The following CCSER1 variants were observed in gnomAD, a reference collection of about 807,000 sequenced individuals.
CCSER1 encodes the protein serine-rich coiled-coil domain-containing protein 1.
A neutral mutation model predicts 82.0 loss-of-function variants in CCSER1; 41 were observed. The observed-to-expected ratio is 0.50, with a 90% CI of 0.39 to 0.65. The LOEUF (loss-of-function observed/expected upper bound fraction) is 0.65. CCSER1 is among the 30% of genes least tolerant of loss of function. The pLI, the probability that CCSER1 is intolerant of heterozygous loss-of-function variation, is 0.00. For synonymous variants in CCSER1, 414 were observed against 383.9 expected (o/e 1.08, Z -0.92); for missense variants, 1,119 against 1,064.2 (o/e 1.05, Z -0.72).
At chr4:91,476,025 T>G (rs2110028824) in intron 10 of CCSER1, among the ~76,000 whole-genome samples, 1 of 152,024 alleles carries the variant, frequency 6.6e-6, no homozygotes, top group South Asian at 2.1e-4. Context: ...CAATATTTTC[T>G]TAAGTACTCA....
At chr4:90,935,614 G>A (rs62312318) in intron 9 of CCSER1, among the ~76,000 whole-genome samples, 8,084 of 152,202 alleles carry the variant, frequency 0.053, 302 homozygotes, top group Admixed American at 0.12. Flanking sequence ...AAAGGGAATG[G>A]TTTCCCAACT....
chr4:91,406,384 T>G (rs1451537315), intron 10 of CCSER1, among the ~76,000 whole-genome samples: 3 of 152,216 alleles, frequency 2.0e-5, no homozygotes, highest in Non-Finnish European at 4.4e-5. Context: ...TTTATGACAT[T>G]CTAGTTAACA....
chr4:90,277,794 C>T (rs1002341231), intron 1 of CCSER1, among the ~76,000 whole-genome samples: 1 of 152,020 alleles, frequency 6.6e-6, no homozygotes, highest in Non-Finnish European at 1.5e-5. Context: ...ACTAAGTCCT[C>T]AAAAGGCAAT....
intron 1 of CCSER1, among the ~76,000 whole-genome samples, chr4:90,189,202 G>C (rs1357950951): frequency 2.0e-5 from 3 of 151,892 alleles, no homozygotes; most frequent in Non-Finnish European, 4.4e-5. Flanking sequence ...GTATTTAGAA[G>C]GTACTCATAG....
At chr4:90,360,227 T>C (rs1285581959) in intron 3 of CCSER1, among the ~76,000 whole-genome samples, 2 of 143,536 alleles carry the variant, frequency 1.4e-5, no homozygotes. Context: ...ACAATATTCT[T>C]ATAATAAAAA....
intron 10 of CCSER1, among the ~76,000 whole-genome samples, chr4:91,298,537 A>T (rs764258821): frequency 1.3e-5 from 2 of 152,020 alleles, no homozygotes; most frequent in South Asian, 2.1e-4. Flanking sequence ...GAAAATGGTG[A>T]ATGTGGTTTC....
chr4:90,505,004 G>T (rs1415623351), intron 5 of CCSER1, among the ~76,000 whole-genome samples: 2 of 152,134 alleles, frequency 1.3e-5, no homozygotes, highest in African/African-American at 4.8e-5. Context: ...AACAACTGGG[G>T]CCACAGAACA....
At position 91,377,563 on chromosome 4, in the gene CCSER1, G is replaced by A. The variant is rs527759247; in HGVS notation, c.2218-221009G>A. Among the ~76,000 whole-genome samples the A allele has an allele frequency of 1.2e-3, 189 of 152,262 alleles. 1 individual carries two copies. Among genetic ancestry groups the A allele is most frequent in the African/African-American group, 4.3e-3 (180 of 41,558 alleles). Reference sequence around the variant, plus strand: ...AAGTGTGTTCTTTTGAGAAGTGTCTGTTCATATCCTTTGCCCACGTTTTGA... The same window carrying A: ...AAGTGTGTTCTTTTGAGAAGTGTCTATTCATATCCTTTGCCCACGTTTTGA... On this transcript the variant is annotated intron_variant, in intron 10 of 10. Coordinates refer to ENST00000509176, the MANE Select transcript of CCSER1 (RefSeq NM_001145065.2).
At chr4:90,569,913 C>A (rs913272638) in intron 5 of CCSER1, among the ~76,000 whole-genome samples, 2 of 152,172 alleles carry the variant, frequency 1.3e-5, no homozygotes, top group Non-Finnish European at 2.9e-5. Context: ...CAGATTCCAC[C>A]GCCCCCATCT....
At chr4:90,485,502 C>T (rs371560335) in intron 5 of CCSER1, among the ~76,000 whole-genome samples, 62 of 148,508 alleles carry the variant, frequency 4.2e-4, no homozygotes, top group African/African-American at 1.3e-3. Flanking sequence ...TGTTCCTATT[C>T]GGCCATCTTG....
intron 10 of CCSER1, among the ~76,000 whole-genome samples, chr4:91,260,912 T>C (rs1344889811): frequency 2.0e-5 from 3 of 151,920 alleles, no homozygotes; most frequent in Admixed American, 6.6e-5. Flanking sequence ...AGGCGCCCGC[T>C]ACCACGCCAG....
chr4:90,738,917 G>A (rs1485649586), intron 7 of CCSER1, among the ~76,000 whole-genome samples: 2 of 152,198 alleles, frequency 1.3e-5, no homozygotes, highest in Non-Finnish European at 2.9e-5. Context: ...CCAGGAGCCA[G>A]TGCCTGGAAT....
In CCSER1 at chr4:91,014,044, T is replaced by C. The variant is rs191769380; in HGVS notation, c.2173-71906T>C. 4.3e-4 allele frequency among the ~76,000 whole-genome samples: 58 copies of C among 134,164 alleles called. 7 individuals carry two copies. Among genetic ancestry groups the C allele is most frequent in the Admixed American group, 3.0e-3 (40 of 13,440 alleles). The allele number at this position is 134,164 out of a possible 152,430, so 88.0% of individuals were successfully genotyped here. A position where few individuals can be genotyped will look rare whatever the true frequency, so the allele number is the denominator to read the frequency against. Reference sequence around the variant, plus strand: ...GAACCAAACACATAACAAGAGTCCTTCATGTTATATCTTTCATGAATACAT... The same window carrying C: ...GAACCAAACACATAACAAGAGTCCTCCATGTTATATCTTTCATGAATACAT... On this transcript the variant is annotated intron_variant, in intron 9 of 10. Coordinates refer to ENST00000509176, the MANE Select transcript of CCSER1 (RefSeq NM_001145065.2).
At chr4:90,905,792 G>C (rs1384495446) in intron 8 of CCSER1, among the ~76,000 whole-genome samples, 1 of 152,158 alleles carries the variant, frequency 6.6e-6, no homozygotes, top group Non-Finnish European at 1.5e-5. Context: ...TCTGCTAGCT[G>C]TATAGTGGAG....
At chr4:90,523,798 G>T (rs2153626561) in intron 5 of CCSER1, among the ~76,000 whole-genome samples, 1 of 152,112 alleles carries the variant, frequency 6.6e-6, no homozygotes, top group African/African-American at 2.4e-5. Flanking sequence ...GTTTGTGGAA[G>T]AATTGAGAAG....
rs550912417 is a variant in CCSER1 at position 90,818,086 on chromosome 4, A to G, written c.2094+2241A>G. ...TATTATCACAAGCAATTGTATCTAC[A>G]TGTATGCTGTAGAATGAAATTAGAT... On this transcript the variant is annotated intron_variant, in intron 8 of 10. Coordinates refer to ENST00000509176, the MANE Select transcript of CCSER1 (RefSeq NM_001145065.2). 2.6e-4 allele frequency among the ~76,000 whole-genome samples: 39 copies of G among 152,166 alleles called. No homozygotes were observed. The East Asian group carries it at 7.1e-3, about 28-fold the overall frequency.
intron 10 of CCSER1, among the ~76,000 whole-genome samples, chr4:91,105,408 A>AC (rs987961983): frequency 5.5e-5 from 1 of 18,314 alleles, no homozygotes; most frequent in Non-Finnish European, 1.0e-4. Context: ...ACAGTAAACA[A>AC]AAAAAAAAAA....
At chr4:91,592,771 G>A (rs1764325872) in intron 10 of CCSER1, among the ~76,000 whole-genome samples, 1 of 151,720 alleles carries the variant, frequency 6.6e-6, no homozygotes, top group Non-Finnish European at 1.5e-5. Context: ...GGCTATTGGG[G>A]GATTGTTTCA....
In CCSER1 at chr4:90,999,795, T is replaced by TTTTTG. The variant is rs147827961; in HGVS notation, c.2172+76368_2172+76372dup. Among the ~76,000 whole-genome samples the TTTTTG allele has an allele frequency of 3.0e-3, 448 of 151,332 alleles. 1 individual carries two copies. The highest frequency in any genetic ancestry group is 6.8e-3 in the Middle Eastern group (2 of 292). On this transcript the variant is annotated intron_variant, in intron 9 of 10. Coordinates refer to ENST00000509176, the MANE Select transcript of CCSER1 (RefSeq NM_001145065.2). ...ATTGTTTTTTTCTTATTTGTTTTTG[T>TTTTTG]TTTTGTTTTGTTTTGTTTTGTTTTT...
Sources: gnomAD v4.1 joint callset for allele counts (sites outside exome capture counted in the v4.1 genomes callset) on GRCh38, gnomAD v4.1.1 for gene constraint, MANE v1.5 for transcripts, NCBI Gene and HGNC (gene_info 2026-07-23, HGNC 2026-07-21) for gene names.